SSBP3: variants seen among roughly 807,000 people sequenced by gnomAD.
SSBP3 encodes single-stranded DNA-binding protein 3.
A neutral mutation model predicts 69.6 loss-of-function variants in SSBP3; 5 were observed. The ratio of observed to expected loss-of-function variants is 0.07; its 90% confidence interval spans 0.04 to 0.15. The LOEUF is 0.15. SSBP3 is among the 10% of genes least tolerant of loss of function. The pLI is 1.00. For synonymous variants in SSBP3, 196 were observed against 193.4 expected, an observed-to-expected ratio of 1.01 and a Z score of -0.11; for missense variants, 312 against 534.0, an observed-to-expected ratio of 0.58 and a Z score of 4.10.
intron 4 of SSBP3, among the ~76,000 whole-genome samples, chr1:54,381,444 T>C (rs1182197841): frequency 1.3e-5 from 2 of 151,692 alleles, no homozygotes; most frequent in Non-Finnish European, 2.9e-5. Context: ...TTCATTCTTT[T>C]AGTTTATGTC....
intron 7 of SSBP3, among the ~76,000 whole-genome samples, chr1:54,255,151 G>C (rs74876793): frequency 1.4e-5 from 2 of 137,996 alleles, no homozygotes; most frequent in African/African-American, 5.6e-5. Context: ...TTTCTATTGC[G>C]GGGGGGCGGG....
intron 4 of SSBP3, among the ~76,000 whole-genome samples, chr1:54,398,531 C>T (rs1455962956): frequency 6.6e-6 from 1 of 152,196 alleles, no homozygotes; most frequent in Non-Finnish European, 1.5e-5. Context: ...CACCTCTGGG[C>T]ACACAGTTAG....
intron 9 of SSBP3, among the ~76,000 whole-genome samples, chr1:54,251,058 C>A (rs866809792): frequency 6.6e-6 from 1 of 152,218 alleles, no homozygotes; most frequent in African/African-American, 2.4e-5. Flanking sequence ...GTCCTGCCAG[C>A]GTGGCCCCCT....
chr1:54,332,808 C>T (rs1439412956), intron 4 of SSBP3, among the ~76,000 whole-genome samples: 1 of 152,194 alleles, frequency 6.6e-6, no homozygotes. Flanking sequence ...CCTGAGAGGG[C>T]GTCAAGCGCA....
chr1:54,345,951 G>A (rs1221189705), intron 4 of SSBP3, among the ~76,000 whole-genome samples: 1 of 151,352 alleles, frequency 6.6e-6, no homozygotes, highest in Non-Finnish European at 1.5e-5. Flanking sequence ...AGACCAGCCT[G>A]GCCAACATGG....
chr1:54,234,329 C>A, intron 14 of SSBP3, among the ~76,000 whole-genome samples: 1 of 142,488 alleles, frequency 7.0e-6, no homozygotes, highest in African/African-American at 2.6e-5. Flanking sequence ...TGAGAAACAC[C>A]CAAGAATTAT....
intron 2 of SSBP3, 64 bp from the exon 3 acceptor site, chr1:54,404,701 G>C (rs1436375795): frequency 1.3e-6 from 2 of 1,583,744 alleles, no homozygotes; most frequent in East Asian, 2.2e-5. Context: ...GGGCTTCCCA[G>C]AGCCAAAAGG....
intron 5 of SSBP3, among the ~76,000 whole-genome samples, chr1:54,267,263 C>A (rs1645118017): frequency 6.6e-6 from 1 of 152,196 alleles, no homozygotes; most frequent in African/African-American, 2.4e-5. Context: ...TGTATCCATA[C>A]AACAGGGCAC....
exon 18 of SSBP3, chr1:54,227,046 G>T: frequency 8.5e-7 from 1 of 1,172,438 alleles, no homozygotes; most frequent in Non-Finnish European, 1.3e-6. Flanking sequence ...CCAGCTCCTG[G>T]ATAATGACAC....
rs146902448 is a variant in SSBP3 at position 54,257,719 on chromosome 1, C to T, written c.447+350G>A. Among the ~76,000 whole-genome samples, 21 of 152,046 alleles carry T rather than the reference C, an allele frequency of 1.4e-4. 1 individual carries two copies. The highest frequency in any genetic ancestry group is 9.8e-4 in the Admixed American group (15 of 15,266). On this transcript the variant is annotated intron_variant, in intron 6 of 17. Transcript: ENST00000610401. ...TGGCAGGAAAGCTTTCTCAGCAGCA[C>T]GAGTGCACAAAGAAAAGGCTCGGGA...
intron 4 of SSBP3, 139 bp from the exon 5 acceptor site, chr1:54,281,666 C>A: frequency 1.3e-6 from 1 of 774,514 alleles, no homozygotes; most frequent in Non-Finnish European, 2.2e-6. Flanking sequence ...ACTTAAAGCC[C>A]TCCTAGCGTC....
At chr1:54,355,377 T>C (rs1264323783) in intron 4 of SSBP3, among the ~76,000 whole-genome samples, 1 of 152,086 alleles carries the variant, frequency 6.6e-6, no homozygotes, top group East Asian at 1.9e-4. Context: ...TGAGACAGGG[T>C]CTCACTCTGT....
chr1:54,387,985 C>T (rs1174732026), intron 4 of SSBP3, among the ~76,000 whole-genome samples: 1 of 152,212 alleles, frequency 6.6e-6, no homozygotes, highest in Non-Finnish European at 1.5e-5. Context: ...AATTCACACA[C>T]GTCACTCAAG....
chr1:54,404,104 G>A (rs1189779028), intron 3 of SSBP3, among the ~76,000 whole-genome samples: 1 of 152,128 alleles, frequency 6.6e-6, no homozygotes, highest in African/African-American at 2.4e-5. Flanking sequence ...GCCCTTTCTT[G>A]CTCTTTCTCA....
chr1:54,367,624 T>C (rs6689444), intron 4 of SSBP3, among the ~76,000 whole-genome samples: 1 of 152,180 alleles, frequency 6.6e-6, no homozygotes, highest in African/African-American at 2.4e-5. Context: ...CTACATGAGG[T>C]CCTTCTCTGA....
chr1:54,351,454 T>C (rs1346999074), intron 4 of SSBP3, among the ~76,000 whole-genome samples: 1 of 152,166 alleles, frequency 6.6e-6, no homozygotes, highest in Non-Finnish European at 1.5e-5. Flanking sequence ...ACCCACCATA[T>C]CAGTGACTCA....
At chr1:54,409,660 A>G (rs749964022), upstream of SSBP3, among the ~76,000 whole-genome samples, 9 of 152,136 alleles carry the variant, frequency 5.9e-5, no homozygotes, top group Non-Finnish European at 1.3e-4. Flanking sequence ...CTGTACTTTC[A>G]GTTTCCAGAA....
At chr1:54,260,242 G>A (rs1020375314) in intron 5 of SSBP3, among the ~76,000 whole-genome samples, 1 of 152,254 alleles carries the variant, frequency 6.6e-6, no homozygotes, top group Non-Finnish European at 1.5e-5. Flanking sequence ...GTAAGGTCCA[G>A]TTGCCAAGAG....
chr1:54,355,366 T>C (rs1569914428), intron 4 of SSBP3, among the ~76,000 whole-genome samples: 2 of 152,328 alleles, frequency 1.3e-5, no homozygotes, highest in Admixed American at 1.3e-4. Flanking sequence ...TATTTATTTT[T>C]TGAGACAGGG....
Sources: gnomAD v4.1 joint callset for allele counts (sites outside exome capture counted in the v4.1 genomes callset) on GRCh38, gnomAD v4.1.1 for gene constraint, MANE v1.5 for transcripts, NCBI Gene and HGNC (gene_info 2026-07-23, HGNC 2026-07-21) for gene names.